The following ZCCHC14 variants were observed in gnomAD, a reference collection of about 807,000 sequenced individuals.
ZCCHC14 encodes zinc finger CCHC domain-containing protein 14.
Under a neutral mutation model 85.0 loss-of-function variants are expected in ZCCHC14, and 16 were observed. The observed-to-expected ratio is 0.19, with a 90% CI of 0.13 to 0.29. The LOEUF (loss-of-function observed/expected upper bound fraction) is 0.29, where lower values mean the gene tolerates loss of function less well. ZCCHC14 is among the 10% of genes least tolerant of loss of function. ZCCHC14 has a pLI of 1.00. For missense variants in ZCCHC14, 1,303 were observed against 1,443.5 expected (o/e 0.90, Z 1.58); for synonymous variants, 775 against 630.7 (o/e 1.23, Z -3.43).
intron 8 of ZCCHC14, among the ~76,000 whole-genome samples, chr16:87,416,693 T>C (rs1908799520): frequency 6.6e-6 from 1 of 152,034 alleles, no homozygotes; most frequent in African/African-American, 2.4e-5. Context: ...GAGGCAGAGG[T>C]TGCAGGGAGC....
At chr16:87,447,984 C>T (rs1040064786) in intron 2 of ZCCHC14, among the ~76,000 whole-genome samples, 1 of 152,144 alleles carries the variant, frequency 6.6e-6, no homozygotes, top group Non-Finnish European at 1.5e-5. Context: ...TCTGTGTGTA[C>T]AAGCAGGTAT....
chr16:87,458,768 C>A lies in ZCCHC14; in HGVS notation c.694+1240G>T, dbSNP rs147918645. Among the ~76,000 whole-genome samples the A allele has an allele frequency of 4.0e-3, 605 of 152,238 alleles. 2 individuals carry two copies. The highest frequency in any genetic ancestry group is 6.2e-3 in the Non-Finnish European group (419 of 68,004). ...GTGCGGCTCTGGGCCTCACGTGGCG[C>A]ACCTGCTAGGAGACAAACATCTTTG... On this transcript the variant is annotated intron_variant, in intron 2 of 12. Transcript: ENST00000671377.
intron 2 of ZCCHC14, among the ~76,000 whole-genome samples, chr16:87,434,841 A>G (rs529835878): frequency 2.0e-5 from 3 of 152,164 alleles, no homozygotes; most frequent in South Asian, 4.2e-4. Context: ...AAGACAAAAA[A>G]TTAGCTGGGT....
At chr16:87,476,049 G>A (rs747917505) in intron 1 of ZCCHC14, among the ~76,000 whole-genome samples, 1 of 152,206 alleles carries the variant, frequency 6.6e-6, no homozygotes, top group Non-Finnish European at 1.5e-5. Flanking sequence ...CCCTGGAGGA[G>A]AGACAGGGTC....
chr16:87,447,700 C>A (rs1910509133), intron 2 of ZCCHC14, among the ~76,000 whole-genome samples: 1 of 152,212 alleles, frequency 6.6e-6, no homozygotes, highest in Admixed American at 6.5e-5. Context: ...TGTACGCTTT[C>A]ATTTCTTTGG....
At chr16:87,447,935 C>G (rs1445657394) in intron 2 of ZCCHC14, among the ~76,000 whole-genome samples, 1 of 152,134 alleles carries the variant, frequency 6.6e-6, no homozygotes. Context: ...GTGCATTTCC[C>G]TGATGACTGG....
In ZCCHC14 at chr16:87,412,959, C is replaced by G; in HGVS notation, c.1762G>C (p.Glu588Gln). Reference sequence around the variant, plus strand: ...ACCGGCTTCTCCTTGTCAGAGCTCTCCAAGTGAATCTCCACACCTAGAGAG... The same window carrying G: ...ACCGGCTTCTCCTTGTCAGAGCTCTGCAAGTGAATCTCCACACCTAGAGAG... ...ENDRRVEIHL[E>Q]SSDKEKPVML... The change falls in exon 12 of 13, where the codon GAG becomes CAG. Residue 588 changes from glutamate to glutamine, a missense_variant. By Grantham distance (29) the Glu-to-Gln change is conservative. Coordinates refer to ENST00000671377, the MANE Select transcript of ZCCHC14 (RefSeq NM_015144.3). The G allele has an allele frequency of 6.2e-7, 1 of 1,610,412 alleles. No individual in the cohort carries two copies. Among genetic ancestry groups the G allele is most frequent in the Non-Finnish European group, 8.5e-7 (1 of 1,178,138 alleles).
intron 1 of ZCCHC14, among the ~76,000 whole-genome samples, chr16:87,475,552 TAAAAAAAAA>T (rs35771945): frequency 1.1e-5 from 1 of 91,472 alleles, no homozygotes; most frequent in Non-Finnish European, 2.1e-5. Context: ...GACTCTGTCT[TAAAAAAAAA>T]AAAAAAAAAA....
At chr16:87,460,523 C>A (rs911508199) in intron 1 of ZCCHC14, among the ~76,000 whole-genome samples, 1 of 152,132 alleles carries the variant, frequency 6.6e-6, no homozygotes, top group Non-Finnish European at 1.5e-5. Flanking sequence ...AACCCCATCT[C>A]TATTAAAAAT....
rs1048542095 is a variant in ZCCHC14, at chr16:87,420,853, G to A, written c.841-137C>T. On this transcript the variant is annotated intron_variant, in intron 4 of 12. Transcript: ENST00000671377. The surrounding 1 kb of genome is among the most constrained non-coding windows in gnomAD (Gnocchi z 5.0). The stretch of plus-strand genomic sequence containing the variant: ...CTGATATGATTTACACCTCCCGTCA[G>A]AGCTATTCTGGGGCCCACATCCACT... 40 of 625,162 alleles carry A rather than the reference G, an allele frequency of 6.4e-5. No individual in the cohort carries two copies. The Middle Eastern group carries it at 1.0e-3, about 16-fold the overall frequency. The allele number at this position is 625,162 out of a possible 1,614,324, so 38.7% of individuals were successfully genotyped here.
At chr16:87,452,423 C>CA (rs1488933506) in intron 2 of ZCCHC14, among the ~76,000 whole-genome samples, 1 of 152,146 alleles carries the variant, frequency 6.6e-6, no homozygotes, top group Non-Finnish European at 1.5e-5. Context: ...CAGCTGAACT[C>CA]AGAGCTGAAA....
At chr16:87,436,326 C>A (rs1438529684) in intron 2 of ZCCHC14, among the ~76,000 whole-genome samples, 4 of 152,380 alleles carry the variant, frequency 2.6e-5, no homozygotes, top group East Asian at 1.9e-4. Flanking sequence ...GGCGGCCCCC[C>A]GCCAGGGCAC....
intron 3 of ZCCHC14, among the ~76,000 whole-genome samples, chr16:87,424,660 A>C (rs1909277332): frequency 6.6e-6 from 1 of 152,122 alleles, no homozygotes; most frequent in South Asian, 2.1e-4. Flanking sequence ...TCGTCACATG[A>C]GGTGCTAAAC....
chr16:87,482,184 C>G (rs1236301229), intron 1 of ZCCHC14, among the ~76,000 whole-genome samples: 1 of 152,198 alleles, frequency 6.6e-6, no homozygotes, highest in South Asian at 2.1e-4. Flanking sequence ...AGAAACCTGC[C>G]TTTGCCACAC....
intron 2 of ZCCHC14, among the ~76,000 whole-genome samples, chr16:87,435,377 C>T (rs1424906061): frequency 3.9e-5 from 6 of 152,350 alleles, no homozygotes; most frequent in African/African-American, 9.6e-5. Flanking sequence ...TCCCAGACAG[C>T]GCTGTCTAAA....
At position 87,467,323 on chromosome 16, in the gene ZCCHC14, C is replaced by A. The variant is rs114657714; in HGVS notation, c.571-7192G>T. On this transcript the variant is annotated intron_variant, in intron 1 of 12. Coordinates refer to ENST00000671377, the MANE Select transcript of ZCCHC14 (RefSeq NM_015144.3). ...CTCAATAATGTAACACTGCCCCAAG[C>A]GAAAACAGAAAAAGATTTCATCCAA... 9.0e-4 allele frequency: 1,423 copies of A among 1,586,618 alleles called. 4 individuals carry two copies. The African/African-American group carries it at 0.016, about 18-fold the overall frequency.
chr16:87,477,540 T>C (rs1321349628), intron 1 of ZCCHC14, among the ~76,000 whole-genome samples: 11 of 152,234 alleles, frequency 7.2e-5, no homozygotes, highest in Non-Finnish European at 1.6e-4. Context: ...CTTTAAATGA[T>C]GAAGTCAACA....
chr16:87,468,465 A>C (rs1597445397), intron 1 of ZCCHC14, among the ~76,000 whole-genome samples: 1 of 97,816 alleles, frequency 1.0e-5, no homozygotes, highest in South Asian at 1.2e-3. Context: ...TACATAGTCA[A>C]AAAAAAAAAA....
chr16:87,416,789 A>G (rs535134280), intron 8 of ZCCHC14, among the ~76,000 whole-genome samples: 10 of 152,280 alleles, frequency 6.6e-5, no homozygotes, highest in Middle Eastern at 3.4e-3. Flanking sequence ...CAAATCCTAA[A>G]CAAAGGGTAT....
Sources: allele counts gnomAD v4.1 joint callset (sites outside exome capture counted in the v4.1 genomes callset), GRCh38; gene constraint gnomAD v4.1.1; non-coding constraint Gnocchi (gnomAD v3.1); transcripts MANE v1.5; gene names NCBI Gene and HGNC (gene_info 2026-07-23, HGNC 2026-07-21).